The following NAALADL2 variants were observed in gnomAD, a reference collection of about 807,000 sequenced individuals.
The protein encoded by NAALADL2 is inactive N-acetylated-alpha-linked acidic dipeptidase-like protein 2.
In NAALADL2, 76 loss-of-function variants were observed where a neutral mutation model predicts 87.2. That is an observed-to-expected ratio of 0.87 (90% CI 0.72 to 1.05). The LOEUF (loss-of-function observed/expected upper bound fraction) is 1.05. Ranked by LOEUF, NAALADL2 falls within the 50% of genes least tolerant of loss-of-function variation. The pLI is 0.00. For missense variants in NAALADL2, 1,089 were observed against 945.8 expected (o/e 1.15, Z -1.99); for synonymous variants, 354 against 331.0 (o/e 1.07, Z -0.75).
chr3:175,272,805 A>G (rs1173182030), intron 4 of NAALADL2, among the ~76,000 whole-genome samples: 2 of 152,118 alleles, frequency 1.3e-5, no homozygotes, highest in Non-Finnish European at 1.5e-5. Flanking sequence ...TTAATCTGTT[A>G]TCTTGGGTTA....
chr3:175,684,442 A>G (rs1735998454), intron 11 of NAALADL2, among the ~76,000 whole-genome samples: 1 of 152,214 alleles, frequency 6.6e-6, no homozygotes, highest in Admixed American at 6.5e-5. Flanking sequence ...TAGATTATAT[A>G]AAGTTATTTT....
chr3:175,784,306 G>A (rs557627987), intron 13 of NAALADL2, among the ~76,000 whole-genome samples: 1 of 152,220 alleles, frequency 6.6e-6, no homozygotes, highest in Non-Finnish European at 1.5e-5. Context: ...ACCTCTGATA[G>A]AATTCGGCTG....
intron 9 of NAALADL2, among the ~76,000 whole-genome samples, chr3:175,493,719 G>T (rs16825843): frequency 6.6e-6 from 1 of 151,988 alleles, no homozygotes; most frequent in African/African-American, 2.4e-5. Context: ...AATAGTCACC[G>T]GTATAACAAA....
At chr3:175,737,567 C>T (rs1183980561) in intron 12 of NAALADL2, among the ~76,000 whole-genome samples, 168 bp downstream of exon 12, 2 of 151,996 alleles carry the variant, frequency 1.3e-5, no homozygotes, top group African/African-American at 4.8e-5. Flanking sequence ...TTTCATTCAA[C>T]AAAAATGAGA....
chr3:175,626,959 A>C (rs769400065), intron 10 of NAALADL2, among the ~76,000 whole-genome samples: 1 of 151,896 alleles, frequency 6.6e-6, no homozygotes, highest in Non-Finnish European at 1.5e-5. Context: ...CTAGATGATT[A>C]GATGATTTTT....
intron 2 of NAALADL2, among the ~76,000 whole-genome samples, chr3:175,191,808 A>G (rs1738251908): frequency 1.3e-5 from 2 of 152,204 alleles, no homozygotes; most frequent in Admixed American, 1.3e-4. Context: ...GAAAACACAA[A>G]ACTAATTAGA....
chr3:175,595,081 G>T (rs1722064056), intron 10 of NAALADL2, among the ~76,000 whole-genome samples: 2 of 151,974 alleles, frequency 1.3e-5, no homozygotes, highest in African/African-American at 4.8e-5. Flanking sequence ...CACAGCCATT[G>T]CACGAAGGGT....
At chr3:174,690,104 G>A (rs531615132) in intron 2 of NAALADL2, among the ~76,000 whole-genome samples, 59 of 152,132 alleles carry the variant, frequency 3.9e-4, no homozygotes, top group African/African-American at 1.4e-3. Flanking sequence ...GAACTGTAAG[G>A]CATTGTGCAT....
intron 12 of NAALADL2, among the ~76,000 whole-genome samples, chr3:175,743,264 G>C (rs985830059): frequency 1.3e-5 from 2 of 152,166 alleles, no homozygotes; most frequent in African/African-American, 4.8e-5. Flanking sequence ...GCCTCCCAAA[G>C]TGCTGGGATT....
chr3:174,800,606 C>G (rs1718709662), intron 3 of NAALADL2, among the ~76,000 whole-genome samples: 1 of 152,164 alleles, frequency 6.6e-6, no homozygotes, highest in African/African-American at 2.4e-5. Flanking sequence ...AACAGAGTCC[C>G]TACTGGGGCA....
chr3:175,157,102 T>A (rs971906454), intron 2 of NAALADL2, among the ~76,000 whole-genome samples: 1 of 146,556 alleles, frequency 6.8e-6, no homozygotes, highest in Admixed American at 6.8e-5. Context: ...TTTTAGTATG[T>A]ACTTAGTTAA....
At chr3:174,744,687 A>G (rs191207395) in intron 3 of NAALADL2, among the ~76,000 whole-genome samples, 1 of 152,272 alleles carries the variant, frequency 6.6e-6, no homozygotes, top group African/African-American at 2.4e-5. Context: ...AAAATTGATC[A>G]CATAATTGGA....
chr3:174,624,909 T>G (rs2108677801), intron 2 of NAALADL2, among the ~76,000 whole-genome samples: 1 of 152,240 alleles, frequency 6.6e-6, no homozygotes, highest in African/African-American at 2.4e-5. Flanking sequence ...TTAGTATTTT[T>G]AATTTAAGAA....
intron 2 of NAALADL2, among the ~76,000 whole-genome samples, chr3:175,217,530 C>G (rs943385544): frequency 6.6e-6 from 1 of 152,048 alleles, no homozygotes; most frequent in Non-Finnish European, 1.5e-5. Flanking sequence ...AATAGTCTGC[C>G]GGGCATCCAC....
At chr3:174,483,941 G>A (rs1258447167) in intron 1 of NAALADL2, among the ~76,000 whole-genome samples, 1 of 151,964 alleles carries the variant, frequency 6.6e-6, no homozygotes, top group African/African-American at 2.4e-5. Context: ...AAACAATAAA[G>A]ACATTTTTGG....
chr3:174,991,156 C>T (rs1746685244), intron 1 of NAALADL2, among the ~76,000 whole-genome samples: 1 of 152,096 alleles, frequency 6.6e-6, no homozygotes, highest in Non-Finnish European at 1.5e-5. Context: ...TTTCAATTGA[C>T]ATTCCTGTAT....
chr3:174,936,855 C>T (rs1405106053), intron 1 of NAALADL2, among the ~76,000 whole-genome samples: 2 of 152,026 alleles, frequency 1.3e-5, no homozygotes, highest in Non-Finnish European at 2.9e-5. Flanking sequence ...AGAGAGTTTG[C>T]AGAGGGACAT....
At chr3:175,519,358 A>G (rs1022277005) in intron 9 of NAALADL2, among the ~76,000 whole-genome samples, 1 of 152,194 alleles carries the variant, frequency 6.6e-6, no homozygotes, top group African/African-American at 2.4e-5. Context: ...GGAGAGCAGG[A>G]GGGTGGAGAA....
chr3:175,668,453 G>A lies in NAALADL2; in HGVS notation c.1896+41067G>A, dbSNP rs151301546. ...TTTTCATTTTTTCAAGCATGAAAATGAGACTGTCTAAAAACTGAAGCTACA... is the reference window on the plus strand; with the variant it reads ...TTTTCATTTTTTCAAGCATGAAAATAAGACTGTCTAAAAACTGAAGCTACA... On this transcript the variant is annotated intron_variant, in intron 11 of 13. Transcript: ENST00000454872. 1.6e-4 allele frequency among the ~76,000 whole-genome samples: 24 copies of A among 152,150 alleles called. No homozygotes were observed. The East Asian group carries it at 4.4e-3, about 28-fold the overall frequency.
Sources: gnomAD v4.1 joint callset for allele counts (sites outside exome capture counted in the v4.1 genomes callset) on GRCh38, gnomAD v4.1.1 for gene constraint, MANE v1.5 for transcripts, NCBI Gene and HGNC (gene_info 2026-07-23, HGNC 2026-07-21) for gene names.